Variants in TACR3 observed in about 807,000 individuals in gnomAD.
The protein encoded by TACR3 is tachykinin receptor 3, also known as neuromedin-K receptor.
TACR3 carries 34 observed loss-of-function variants against 35.0 expected under a neutral mutation model. The ratio of observed to expected loss-of-function variants is 0.97; its 90% confidence interval spans 0.74 to 1.30. The LOEUF is 1.30. TACR3 is among the 50% of genes most tolerant of loss of function. TACR3 has a pLI of 0.00. For synonymous variants in TACR3, 233 were observed against 221.1 expected (o/e 1.05, Z -0.48); for missense variants, 558 against 591.7 (o/e 0.94, Z 0.59).
chr4:103,683,504 GA>G (rs1241623234), intron 1 of TACR3, among the ~76,000 whole-genome samples: 1 of 114,650 alleles, frequency 8.7e-6, no homozygotes, highest in Non-Finnish European at 1.9e-5. Flanking sequence ...AAGAGAGAGA[GA>G]AGACAAAAAT....
At chr4:103,591,730 G>A (rs200457434) in intron 3 of TACR3, 47 bp from the exon 4 acceptor site, 1 of 1,521,068 alleles carries the variant, frequency 6.6e-7, no homozygotes, top group East Asian at 2.4e-5. Context: ...ACTCATAATA[G>A]TTCCAATAGC....
chr4:103,669,095 C>T (rs1725998636), intron 1 of TACR3, among the ~76,000 whole-genome samples: 2 of 152,012 alleles, frequency 1.3e-5, no homozygotes, highest in African/African-American at 4.8e-5. Flanking sequence ...GCTTATTTCA[C>T]TTAACATAAT....
chr4:103,693,768 C>T (rs1457880236), intron 1 of TACR3, among the ~76,000 whole-genome samples: 2 of 151,542 alleles, frequency 1.3e-5, no homozygotes, highest in African/African-American at 4.9e-5. Flanking sequence ...TCAGATTAAT[C>T]AATGTTTTTC....
At chr4:103,668,577 G>GGCCA (rs958391822) in intron 1 of TACR3, among the ~76,000 whole-genome samples, 3 of 151,974 alleles carry the variant, frequency 2.0e-5, no homozygotes, top group African/African-American at 7.2e-5. Context: ...GCCAGGTGTG[G>GGCCA]TGGCCCACAC....
chr4:103,627,093 A>C (rs1169129865), intron 3 of TACR3, among the ~76,000 whole-genome samples: 1 of 148,328 alleles, frequency 6.7e-6, no homozygotes, highest in South Asian at 2.2e-4. Flanking sequence ...GAGGCAGGAG[A>C]ATCACTTGAA....
At chr4:103,693,135 C>A (rs1412244192) in intron 1 of TACR3, among the ~76,000 whole-genome samples, 2 of 152,058 alleles carry the variant, frequency 1.3e-5, no homozygotes, top group African/African-American at 4.8e-5. Flanking sequence ...AATATATATG[C>A]ATACATTATA....
rs199995973 is a variant in TACR3 at position 103,589,788 on chromosome 4, G to A, written c.1292C>T (p.Pro431Leu). 138 of 1,613,850 alleles carry A rather than the reference G, an allele frequency of 8.6e-5. No homozygotes were observed. Among genetic ancestry groups the A allele is most frequent in the Non-Finnish European group, 1.1e-4 (135 of 1,179,892 alleles). ...GCAGCCATTGAAACTTGGGTCTCTT[G>A]GCGTTGCTCTTTTCTTCCGACTGGA... ...TRSSRKKRAT[P>L]RDPSFNGCSR... Residue 431 changes from proline to leucine, a missense_variant, in exon 5 of 5, where the codon CCA (proline) becomes CTA (leucine). Transcript: ENST00000304883.
At chr4:103,668,517 A>T (rs1252918991) in intron 1 of TACR3, among the ~76,000 whole-genome samples, 1 of 152,074 alleles carries the variant, frequency 6.6e-6, no homozygotes, top group African/African-American at 2.4e-5. Flanking sequence ...CTTACTTTTT[A>T]AATTTTATTT....
chr4:103,604,110 G>A (rs114690181), intron 3 of TACR3, among the ~76,000 whole-genome samples: 2,507 of 152,242 alleles, frequency 0.016, 55 homozygotes, highest in African/African-American at 0.057. Context: ...GAACAAAGCC[G>A]GAGGCATCAG....
intron 4 of TACR3, 62 bp downstream of exon 4, chr4:103,591,425 T>C (rs955946749): frequency 8.9e-6 from 14 of 1,580,270 alleles, no homozygotes; most frequent in African/African-American, 4.0e-5. Flanking sequence ...TGGAACAACA[T>C]TGTATGTTTC....
At chr4:103,648,653 T>C (rs1725511707) in intron 3 of TACR3, among the ~76,000 whole-genome samples, 1 of 152,156 alleles carries the variant, frequency 6.6e-6, no homozygotes, top group Non-Finnish European at 1.5e-5. Context: ...CTCCATTGTG[T>C]ATATGTACCA....
intron 3 of TACR3, among the ~76,000 whole-genome samples, chr4:103,642,488 G>C (rs1725375894): frequency 6.6e-6 from 1 of 151,718 alleles, no homozygotes; most frequent in Non-Finnish European, 1.5e-5. Flanking sequence ...AAAAAAGAAT[G>C]AAATCCTGTC....
chr4:103,716,620 T>G (rs1175975844), intron 1 of TACR3, among the ~76,000 whole-genome samples: 1 of 152,158 alleles, frequency 6.6e-6, no homozygotes, highest in African/African-American at 2.4e-5. Context: ...AGGGAATATC[T>G]GTCATTTCTC....
At chr4:103,653,807 G>A (rs1725674134) in intron 3 of TACR3, among the ~76,000 whole-genome samples, 1 of 151,874 alleles carries the variant, frequency 6.6e-6, no homozygotes, top group Admixed American at 6.6e-5. Flanking sequence ...ATCTGACAAA[G>A]GGCTAATATC....
intron 1 of TACR3, among the ~76,000 whole-genome samples, chr4:103,668,536 A>G (rs1725979966): frequency 2.0e-5 from 3 of 152,020 alleles, no homozygotes; most frequent in Non-Finnish European, 1.5e-5. Context: ...TTCAATCTTT[A>G]ATTTTTTTTG....
rs567115378 is a variant in TACR3, at chr4:103,596,010, T to C, written c.889-4327A>G. Among the ~76,000 whole-genome samples the C allele has an allele frequency of 9.9e-5, 15 of 151,048 alleles. No individual in the cohort carries two copies. The East Asian group carries it at 2.4e-3, about 24-fold the overall frequency. Reference sequence around the variant, plus strand: ...GTGAGAATATGTGGTGTTTGGTTTTTTGTTCTTGTGATAGTTTACTGAGAA... The same window carrying C: ...GTGAGAATATGTGGTGTTTGGTTTTCTGTTCTTGTGATAGTTTACTGAGAA... On this transcript the variant is annotated intron_variant, in intron 3 of 4. Coordinates refer to ENST00000304883, the MANE Select transcript of TACR3 (RefSeq NM_001059.3).
intron 3 of TACR3, among the ~76,000 whole-genome samples, chr4:103,609,714 G>A (rs1411814781): frequency 2.0e-5 from 3 of 151,752 alleles, no homozygotes; most frequent in African/African-American, 7.3e-5. Context: ...TCTTCCTATC[G>A]AACTGTAAAT....
chr4:103,717,807 T>A (rs1449117953), intron 1 of TACR3, among the ~76,000 whole-genome samples: 1 of 132,166 alleles, frequency 7.6e-6, no homozygotes, highest in African/African-American at 4.0e-5. Context: ...ATTTCCCAAC[T>A]GGAGTCTGAT....
intron 3 of TACR3, among the ~76,000 whole-genome samples, chr4:103,611,904 A>T (rs1264394504): frequency 6.6e-6 from 1 of 152,152 alleles, no homozygotes; most frequent in East Asian, 1.9e-4. Context: ...TGACCAAGAC[A>T]TCAAAATAAG....
Sources: allele counts gnomAD v4.1 joint callset (sites outside exome capture counted in the v4.1 genomes callset), GRCh38; gene constraint gnomAD v4.1.1; transcripts MANE v1.5; gene names NCBI Gene and HGNC (gene_info 2026-07-23, HGNC 2026-07-21).